The following ITPR2 variants were observed in gnomAD, a reference collection of about 807,000 sequenced individuals.
ITPR2 encodes the protein inositol 1,4,5-trisphosphate-gated calcium channel ITPR2.
A neutral mutation model predicts 317.1 loss-of-function variants in ITPR2; 207 were observed. The ratio of observed to expected loss-of-function variants is 0.65; its 90% CI spans 0.58 to 0.73. The LOEUF (loss-of-function observed/expected upper bound fraction) is 0.73, where lower values mean the gene tolerates loss of function less well. Ranked by LOEUF, ITPR2 falls within the 30% of genes least tolerant of loss-of-function variation. The pLI is 0.00. For missense variants in ITPR2, 2,613 were observed against 3,284.0 expected (o/e 0.80, Z 4.99); for synonymous variants, 1,156 against 1,149.1 (o/e 1.01, Z -0.12).
chr12:26,620,648 T>C (rs1020365641), intron 26 of ITPR2, among the ~76,000 whole-genome samples: 1 of 152,190 alleles, frequency 6.6e-6, no homozygotes, highest in Non-Finnish European at 1.5e-5. Flanking sequence ...CTCTTTAGAT[T>C]TTTGGTATTT....
intron 2 of ITPR2, among the ~76,000 whole-genome samples, chr12:26,778,228 GA>G (rs1430793896): frequency 6.6e-6 from 1 of 152,166 alleles, no homozygotes; most frequent in African/African-American, 2.4e-5. Context: ...CTTCTACCTA[GA>G]AAAATAGTAA....
chr12:26,807,785 A>G (rs1950664546), intron 1 of ITPR2, among the ~76,000 whole-genome samples: 1 of 152,086 alleles, frequency 6.6e-6, no homozygotes. Flanking sequence ...CATAATATCA[A>G]CCCCAAATTA....
chr12:26,429,259 G>T (rs1447426249), intron 48 of ITPR2, among the ~76,000 whole-genome samples: 1 of 152,186 alleles, frequency 6.6e-6, no homozygotes, highest in Non-Finnish European at 1.5e-5. Flanking sequence ...GTTTACTTTT[G>T]CAAGGTTTGT....
chr12:26,601,518 G>A (rs1439306017), intron 28 of ITPR2, among the ~76,000 whole-genome samples: 1 of 152,206 alleles, frequency 6.6e-6, no homozygotes, highest in African/African-American at 2.4e-5. Flanking sequence ...TGGGGGTGAT[G>A]TTAGAAGACA....
chr12:26,368,117 C>T (rs1402498614), intron 55 of ITPR2, among the ~76,000 whole-genome samples: 1 of 152,200 alleles, frequency 6.6e-6, no homozygotes, highest in Non-Finnish European at 1.5e-5. Flanking sequence ...GAGCCCACTG[C>T]TTTTCTTCGA....
chr12:26,726,008 G>C, intron 2 of ITPR2: 1 of 348,978 alleles, frequency 2.9e-6, no homozygotes, highest in Non-Finnish European at 5.2e-6. Flanking sequence ...ACGATAGCCA[G>C]TGTATAAAGA....
At chr12:26,445,714 C>A (rs529713125) in intron 45 of ITPR2, among the ~76,000 whole-genome samples, 1 of 152,120 alleles carries the variant, frequency 6.6e-6, no homozygotes, top group Non-Finnish European at 1.5e-5. Context: ...GATACCAAAG[C>A]TTAATTGTAG....
chr12:26,382,680 A>C lies in ITPR2; in HGVS notation c.7857+4754T>G, dbSNP rs548530843. Among the ~76,000 whole-genome samples, 397 of 150,620 alleles carry C rather than the reference A, an allele frequency of 2.6e-3. 5 individuals carry two copies. Among genetic ancestry groups the C allele is most frequent in the East Asian group, 0.014 (72 of 5,136 alleles). On this transcript the variant is annotated intron_variant, in intron 55 of 56. Transcript: ENST00000381340. ...AATTTGTCACACACACACACACAAA[A>C]AAAAAGAATTTGAAAACAGAGGTAA... is the stretch of plus-strand genomic sequence containing the variant.
rs376997103 is a variant in ITPR2 at position 26,396,168 on chromosome 12, G to A, written c.7696+2708C>T. ...CATCTATTGTGAAGAAATGGAGGTG[G>A]TGATAGCTGTCACATAAAGAGAAAA... On this transcript the variant is annotated intron_variant, in intron 54 of 56. Transcript: ENST00000381340. Among the ~76,000 whole-genome samples the A allele has an allele frequency of 2.4e-4, 36 of 152,190 alleles. No homozygotes were observed. The South Asian group carries it at 7.1e-3, about 30-fold the overall frequency.
chr12:26,553,472 G>A (rs1944580078), intron 36 of ITPR2, among the ~76,000 whole-genome samples: 1 of 152,168 alleles, frequency 6.6e-6, no homozygotes, highest in Non-Finnish European at 1.5e-5. Context: ...AGCTTTACCA[G>A]GATGGTATGC....
intron 51 of ITPR2, among the ~76,000 whole-genome samples, chr12:26,413,858 A>G (rs1940631019): frequency 6.6e-6 from 1 of 152,198 alleles, no homozygotes; most frequent in Non-Finnish European, 1.5e-5. Context: ...TAACCAAGTT[A>G]CTTTTTAAAT....
chr12:26,583,428 A>G (rs1407495797), intron 32 of ITPR2, among the ~76,000 whole-genome samples: 1 of 151,998 alleles, frequency 6.6e-6, no homozygotes, highest in African/African-American at 2.4e-5. Flanking sequence ...AAAATATTTC[A>G]TTATATTTCA....
intron 45 of ITPR2, among the ~76,000 whole-genome samples, chr12:26,468,010 C>T (rs1036436777): frequency 6.6e-6 from 1 of 152,130 alleles, no homozygotes; most frequent in Admixed American, 6.5e-5. Context: ...ATTTAGTAGC[C>T]AGGTCCGACA....
intron 35 of ITPR2, among the ~76,000 whole-genome samples, chr12:26,560,692 C>T (rs895553478): frequency 3.3e-4 from 51 of 152,316 alleles, no homozygotes; most frequent in African/African-American, 1.0e-3. Context: ...TTAGATAACC[C>T]TATCCTACAA....
chr12:26,665,379 T>G (rs1947602383), intron 14 of ITPR2, among the ~76,000 whole-genome samples: 1 of 152,258 alleles, frequency 6.6e-6, no homozygotes, highest in Non-Finnish European at 1.5e-5. Flanking sequence ...GTCTCTACAA[T>G]GGTCTCTGAT....
rs1392255747 is a variant in ITPR2 at position 26,809,705 on chromosome 12, T to C, written c.93-19478A>G. ...GGGGTTGGGGGAGTAGTTTAGCAGC[T>C]GTTCTTACGGCTTGATGGCCTTGCT... On this transcript the variant is annotated intron_variant, in intron 1 of 56. Coordinates refer to ENST00000381340, the MANE Select transcript of ITPR2 (RefSeq NM_002223.4). 2.0e-5 allele frequency among the ~76,000 whole-genome samples: 3 copies of C among 152,210 alleles called. No homozygotes were observed. The East Asian group carries it at 5.8e-4, about 29-fold the overall frequency.
At chr12:26,537,645 A>G (rs1041685365) in intron 37 of ITPR2, among the ~76,000 whole-genome samples, 1 of 152,186 alleles carries the variant, frequency 6.6e-6, no homozygotes, top group African/African-American at 2.4e-5. Flanking sequence ...CCTCATTTAA[A>G]TTATTTTGTG....
At chr12:26,613,565 C>CAT (rs1946317447) in intron 26 of ITPR2, among the ~76,000 whole-genome samples, 1 of 50,882 alleles carries the variant, frequency 2.0e-5, no homozygotes, top group African/African-American at 1.0e-4. Flanking sequence ...CATACACAGA[C>CAT]ACACACACAC....
chr12:26,562,576 A>G (rs1210922290), intron 34 of ITPR2, among the ~76,000 whole-genome samples: 1 of 152,040 alleles, frequency 6.6e-6, no homozygotes, highest in Non-Finnish European at 1.5e-5. Flanking sequence ...TGAAGATGGG[A>G]TTAGTCCATC....
Sources: gnomAD v4.1 joint callset for allele counts (sites outside exome capture counted in the v4.1 genomes callset) on GRCh38, gnomAD v4.1.1 for gene constraint, MANE v1.5 for transcripts, NCBI Gene and HGNC (gene_info 2026-07-23, HGNC 2026-07-21) for gene names.